The following MBD5 variants were observed in gnomAD, a reference collection of about 807,000 sequenced individuals.
MBD5 encodes methyl-CpG binding domain protein 5, also known as methyl-CpG-binding domain protein 5.
Under a neutral mutation model 117.3 loss-of-function variants are expected in MBD5, and 13 were observed. That is an observed-to-expected ratio of 0.11 (90% CI 0.07 to 0.18). The LOEUF (loss-of-function observed/expected upper bound fraction) is 0.18. Ranked by LOEUF, MBD5 falls within the 10% of genes least tolerant of loss-of-function variation. The probability of loss-of-function intolerance (pLI) is 1.00; values close to 1 mark genes in which losing one functional copy is unlikely to be tolerated. For missense variants in MBD5, 1,879 were observed against 2,093.8 expected, an observed-to-expected ratio of 0.90 and a Z score of 2.00; for synonymous variants, 727 against 766.4, an observed-to-expected ratio of 0.95 and a Z score of 0.85.
At chr2:148,129,057 G>A (rs984727458) in intron 1 of MBD5, among the ~76,000 whole-genome samples, 7 of 151,990 alleles carry the variant, frequency 4.6e-5, no homozygotes, top group African/African-American at 1.5e-4. Flanking sequence ...TTTTTATAAG[G>A]ACCTTTAAAA....
chr2:148,269,237 T>A (rs1489354283), intron 3 of MBD5, among the ~76,000 whole-genome samples: 1 of 151,896 alleles, frequency 6.6e-6, no homozygotes, highest in African/African-American at 2.4e-5. Context: ...CTTATTTTTC[T>A]CTGTTTCTTT....
chr2:148,112,262 A>G (rs1231483577), intron 1 of MBD5, among the ~76,000 whole-genome samples: 1 of 152,212 alleles, frequency 6.6e-6, no homozygotes, highest in Non-Finnish European at 1.5e-5. Context: ...GTGTACGCAC[A>G]CATGCATTTT....
chr2:148,220,021 G>A (rs1699646967), intron 2 of MBD5: 1 of 152,092 alleles, frequency 6.6e-6, no homozygotes, highest in South Asian at 2.1e-4. Context: ...ATGGATAGAT[G>A]AATAATAAAT....
chr2:148,089,943 A>T (rs560503399), intron 1 of MBD5, among the ~76,000 whole-genome samples: 4 of 152,190 alleles, frequency 2.6e-5, no homozygotes, highest in Admixed American at 6.5e-5. Flanking sequence ...TAGACCATTA[A>T]TAAGATTAAT....
rs1697905388 is a variant in MBD5, at chr2:148,157,569, C to A, written c.-924-21131C>A. Among the ~76,000 whole-genome samples, 5 of 152,152 alleles carry A rather than the reference C, an allele frequency of 3.3e-5. 1 individual carries two copies. In the South Asian group the frequency reaches 1.0e-3, roughly 32 times the overall value. On this transcript the variant is annotated intron_variant, in intron 1 of 13. Transcript: ENST00000642680. ...GCCTGCAAAGCATCCGCCATAAAAA[C>A]TACTACAAATGCCTCATAGATAACA...
intron 2 of MBD5, among the ~76,000 whole-genome samples, chr2:148,184,305 A>C (rs1698600241): frequency 6.6e-6 from 1 of 151,958 alleles, no homozygotes; most frequent in Non-Finnish European, 1.5e-5. Flanking sequence ...GAGCCACCAG[A>C]CCCAGCCTAT....
chr2:148,481,598 T>C (rs941348244), intron 8 of MBD5: 5 of 152,170 alleles, frequency 3.3e-5, no homozygotes, highest in African/African-American at 9.7e-5. Flanking sequence ...ATGTATTACA[T>C]AAAACAATGG....
chr2:148,382,564 A>C (rs1357824642), intron 4 of MBD5, among the ~76,000 whole-genome samples: 1 of 152,194 alleles, frequency 6.6e-6, no homozygotes. Flanking sequence ...AAAATTAACA[A>C]GGATATCCAA....
chr2:148,313,055 C>T (rs1443132429), intron 3 of MBD5, among the ~76,000 whole-genome samples: 1 of 152,086 alleles, frequency 6.6e-6, no homozygotes, highest in Non-Finnish European at 1.5e-5. Context: ...CGCTAGATGC[C>T]AGCTGGAGCT....
intron 1 of MBD5, among the ~76,000 whole-genome samples, chr2:148,113,286 G>A (rs1184112036): frequency 3.3e-5 from 5 of 151,954 alleles, no homozygotes; most frequent in Admixed American, 6.6e-5. Flanking sequence ...CTTCCTTTTT[G>A]TTCATAAAGT....
chr2:148,065,073 C>T (rs537901708), intron 1 of MBD5, among the ~76,000 whole-genome samples: 3 of 152,036 alleles, frequency 2.0e-5, no homozygotes, highest in African/African-American at 4.8e-5. Context: ...AGCCAGCATC[C>T]GGAGATAATA....
At chr2:148,400,295 A>C (rs777637719) in intron 4 of MBD5, among the ~76,000 whole-genome samples, 35 of 152,286 alleles carry the variant, frequency 2.3e-4, no homozygotes, top group Non-Finnish European at 3.8e-4. Context: ...AATTAAAGTG[A>C]AGCTGGTTCT....
intron 3 of MBD5, among the ~76,000 whole-genome samples, chr2:148,294,513 T>TTTTGTTTGTTTG (rs1701600117): frequency 1.4e-5 from 2 of 139,848 alleles, no homozygotes; most frequent in Non-Finnish European, 3.1e-5. Context: ...TTTTTTTTTT[T>TTTTGTTTGTTTG]TTTTTTTTGA....
Position 148,512,846 on chromosome 2 carries a change from T to G in MBD5, c.5113-24T>G, listed in dbSNP as rs759325167. On this transcript the variant is annotated intron_variant, in intron 13 of 13. Transcript: ENST00000642680. ...GATTTCATCCTCTGTTGTTGTTGTT[T>G]TTTTTCTACCTTTTTATTTCCAGGT... The G allele has an allele frequency of 9.3e-6, 15 of 1,607,724 alleles. No homozygotes were observed. In the African/African-American group the frequency reaches 9.4e-5, roughly 10 times the overall value.
At chr2:148,246,787 A>AG (rs869195771) in intron 3 of MBD5, among the ~76,000 whole-genome samples, 1 of 150,294 alleles carries the variant, frequency 6.7e-6, no homozygotes. Flanking sequence ...AAAAAAAAAA[A>AG]TTGTTTGCTA....
At chr2:148,392,471 G>A (rs900583731) in intron 4 of MBD5, among the ~76,000 whole-genome samples, 4 of 152,146 alleles carry the variant, frequency 2.6e-5, no homozygotes, top group African/African-American at 9.7e-5. Context: ...CTGGAGTTCT[G>A]AATTTTCACG....
chr2:148,451,654 T>G (rs1198357395), intron 4 of MBD5, among the ~76,000 whole-genome samples: 1 of 152,202 alleles, frequency 6.6e-6, no homozygotes, highest in African/African-American at 2.4e-5. Flanking sequence ...TCCACAATAG[T>G]AATGCTATTA....
At chr2:148,362,386 G>T (rs970848886) in intron 4 of MBD5, among the ~76,000 whole-genome samples, 1 of 152,154 alleles carries the variant, frequency 6.6e-6, no homozygotes, top group Admixed American at 6.5e-5. Context: ...CGAACTGGGC[G>T]GAGATCACTG....
chr2:148,289,323 A>G (rs888180404), intron 3 of MBD5, among the ~76,000 whole-genome samples: 1 of 152,176 alleles, frequency 6.6e-6, no homozygotes, highest in Non-Finnish European at 1.5e-5. Flanking sequence ...TTCTTTCAAT[A>G]TAGGTTATGA....
Sources: allele counts gnomAD v4.1 joint callset (sites outside exome capture counted in the v4.1 genomes callset), GRCh38; gene constraint gnomAD v4.1.1; transcripts MANE v1.5; gene names NCBI Gene and HGNC (gene_info 2026-07-23, HGNC 2026-07-21).